ZNF329: variants seen among roughly 807,000 people sequenced by gnomAD.
ZNF329 encodes zinc finger protein 329.
ZNF329 carries 15 observed loss-of-function variants against 26.6 expected under a neutral mutation model. The ratio of observed to expected loss-of-function variants is 0.56; its 90% confidence interval spans 0.38 to 0.87. ZNF329 has a LOEUF of 0.87. Among genes scored for constraint, ZNF329 ranks in the 40% least tolerant of loss-of-function variants. The probability of loss-of-function intolerance (pLI) is 0.00; values close to 1 mark genes in which losing one functional copy is unlikely to be tolerated. For synonymous variants in ZNF329, 239 were observed against 233.5 expected (o/e 1.02, Z -0.21); for missense variants, 651 against 651.9 (o/e 1.00, Z 0.02).
intron 3 of ZNF329, among the ~76,000 whole-genome samples, chr19:58,140,373 G>T (rs1019681914): frequency 6.6e-6 from 1 of 151,696 alleles, no homozygotes; most frequent in African/African-American, 2.4e-5. Flanking sequence ...TACTCAAAAT[G>T]GATCAGCCTA....
At chr19:58,142,454 C>T (rs983046698) in intron 3 of ZNF329, 103 bp downstream of exon 3, 3 of 152,630 alleles carry the variant, frequency 2.0e-5, no homozygotes, top group Non-Finnish European at 2.9e-5. Context: ...CTAGTCTAGA[C>T]CCCATCTGCC....
intron 3 of ZNF329, among the ~76,000 whole-genome samples, chr19:58,131,109 A>ATGTGTGTGTGTGTGTG (rs1397885691): frequency 4.1e-5 from 6 of 147,362 alleles, no homozygotes; most frequent in African/African-American, 1.5e-4. Context: ...ATATACATGT[A>ATGTGTGTGTGTGTGTG]TATGTGTATA....
At chr19:58,131,188 A>C (rs2074935766) in intron 3 of ZNF329, among the ~76,000 whole-genome samples, 1 of 152,068 alleles carries the variant, frequency 6.6e-6, no homozygotes, top group Non-Finnish European at 1.5e-5. Flanking sequence ...ACATAAAGTC[A>C]AAGTTTAAAT....
At chr19:58,144,261 G>A (rs560470150) in intron 1 of ZNF329, among the ~76,000 whole-genome samples, 8 of 151,190 alleles carry the variant, frequency 5.3e-5, no homozygotes, top group African/African-American at 1.7e-4. Context: ...TGCAACCTCC[G>A]CCTCCTGGGT....
intron 3 of ZNF329, among the ~76,000 whole-genome samples, chr19:58,138,668 C>T (rs892295745): frequency 3.9e-5 from 6 of 152,254 alleles, no homozygotes; most frequent in African/African-American, 7.2e-5. Flanking sequence ...CCTCCCCGCA[C>T]GTTTGTGAAG....
intron 3 of ZNF329, among the ~76,000 whole-genome samples, chr19:58,129,940 C>A (rs1388251685): frequency 1.3e-5 from 2 of 152,224 alleles, no homozygotes; most frequent in Admixed American, 1.3e-4. Context: ...GTTCTCACCC[C>A]AGCTCTGTCA....
At chr19:58,144,501 C>T (rs1393565983) in intron 1 of ZNF329, among the ~76,000 whole-genome samples, 2 of 151,646 alleles carry the variant, frequency 1.3e-5, no homozygotes, top group East Asian at 3.9e-4. Context: ...GACTCTCGTG[C>T]CTCAGCCTCC....
intron 1 of ZNF329, among the ~76,000 whole-genome samples, chr19:58,146,813 G>A (rs907641694): frequency 5.9e-5 from 9 of 151,842 alleles, no homozygotes; most frequent in East Asian, 1.9e-4. Flanking sequence ...TCGGCCTCCC[G>A]AGGTGCCGGG....
intron 3 of ZNF329, among the ~76,000 whole-genome samples, chr19:58,132,903 C>T (rs933672022): frequency 3.3e-5 from 5 of 151,950 alleles, no homozygotes; most frequent in African/African-American, 1.2e-4. Context: ...AGCTCCGCCT[C>T]CCAGGTTCAC....
At chr19:58,145,371 G>C (rs1359255269) in intron 1 of ZNF329, among the ~76,000 whole-genome samples, 1 of 146,764 alleles carries the variant, frequency 6.8e-6, no homozygotes, top group Admixed American at 6.8e-5. Context: ...ACCCAGGCTG[G>C]AGTGTAGTGG....
At chr19:58,153,769 C>CATG (rs1377101970), upstream of ZNF329, among the ~76,000 whole-genome samples, 2 of 152,116 alleles carry the variant, frequency 1.3e-5, no homozygotes, top group Non-Finnish European at 2.9e-5. Flanking sequence ...AGTCCAGTGG[C>CATG]ATGATCATAG....
chr19:58,142,866 A>G (rs1434843154), intron 2 of ZNF329, among the ~76,000 whole-genome samples: 3 of 152,102 alleles, frequency 2.0e-5, no homozygotes, highest in Non-Finnish European at 4.4e-5. Context: ...GGGCAAGCCA[A>G]CAAGAAAGTC....
intron 1 of ZNF329, among the ~76,000 whole-genome samples, chr19:58,144,963 C>A (rs1213318640): frequency 6.6e-6 from 1 of 151,178 alleles, no homozygotes; most frequent in Non-Finnish European, 1.5e-5. Flanking sequence ...CATTCTCCTG[C>A]CTCAGCCTCC....
At chr19:58,154,699 C>G (rs1043275112), upstream of ZNF329, 1 of 151,852 alleles carries the variant, frequency 6.6e-6, no homozygotes. Context: ...CAGACCACCC[C>G]CCCCCCCGCC....
chr19:58,144,858 T>C (rs957881304), intron 1 of ZNF329, among the ~76,000 whole-genome samples: 24 of 149,834 alleles, frequency 1.6e-4, no homozygotes, highest in African/African-American at 4.6e-4. Context: ...TTCTTTTTTT[T>C]TTTTTTTTTG....
At chr19:58,149,556 G>A (rs949487438) in intron 1 of ZNF329, among the ~76,000 whole-genome samples, 4 of 152,112 alleles carry the variant, frequency 2.6e-5, no homozygotes, top group Non-Finnish European at 5.9e-5. Flanking sequence ...CAACTTCTAT[G>A]CAAATGCGGA....
chr19:58,149,978 G>A (rs1470257515), intron 1 of ZNF329, among the ~76,000 whole-genome samples: 1 of 152,190 alleles, frequency 6.6e-6, no homozygotes, highest in African/African-American at 2.4e-5. Flanking sequence ...ATGAATGGCT[G>A]AAAGGATGGA....
upstream of ZNF329, among the ~76,000 whole-genome samples, chr19:58,152,626 G>C (rs1404511728): frequency 6.6e-6 from 1 of 152,142 alleles, no homozygotes. Flanking sequence ...GGGAGGCCGA[G>C]GCAGGTGGAT....
chr19:58,140,926 A>G (rs1345659214), intron 3 of ZNF329, among the ~76,000 whole-genome samples: 4 of 148,024 alleles, frequency 2.7e-5, no homozygotes, highest in African/African-American at 7.5e-5. Context: ...GCTGGAGTAC[A>G]GTGGCATGAT....
Sources: allele counts gnomAD v4.1 joint callset (sites outside exome capture counted in the v4.1 genomes callset), GRCh38; gene constraint gnomAD v4.1.1; transcripts MANE v1.5; gene names NCBI Gene and HGNC (gene_info 2026-07-23, HGNC 2026-07-21).